The following MECOM variants were observed in gnomAD, a reference collection of about 807,000 sequenced individuals.
MECOM encodes the protein histone-lysine N-methyltransferase MECOM.
In MECOM, 13 loss-of-function variants were observed where a neutral mutation model predicts 116.3. The observed-to-expected ratio is 0.11, with a 90% CI of 0.07 to 0.18. MECOM has a LOEUF of 0.18. Among genes scored for constraint, MECOM ranks in the 10% least tolerant of loss-of-function variants. The pLI, the probability that MECOM is intolerant of heterozygous loss-of-function variation, is 1.00. For synonymous variants in MECOM, 528 were observed against 535.2 expected, an observed-to-expected ratio of 0.99 and a Z score of 0.19; for missense variants, 1,299 against 1,509.0, an observed-to-expected ratio of 0.86 and a Z score of 2.31.
At chr3:169,217,501 T>C (rs1206602876) in intron 2 of MECOM, among the ~76,000 whole-genome samples, 2 of 152,032 alleles carry the variant, frequency 1.3e-5, no homozygotes, top group African/African-American at 4.8e-5. Context: ...AATAAATAAA[T>C]AGGCCGAGCA....
chr3:169,088,391 A>G (rs1399265003), intron 16 of MECOM, among the ~76,000 whole-genome samples: 1 of 152,184 alleles, frequency 6.6e-6, no homozygotes, highest in Non-Finnish European at 1.5e-5. Context: ...AATGTTGTAG[A>G]GCCTAATAAA....
At chr3:169,242,530 G>C (rs1755005767) in intron 2 of MECOM, among the ~76,000 whole-genome samples, 1 of 152,094 alleles carries the variant, frequency 6.6e-6, no homozygotes. Context: ...TCCCCTTGGT[G>C]CTCCTGATGC....
At chr3:169,241,973 G>C (rs1487480427) in intron 2 of MECOM, among the ~76,000 whole-genome samples, 2 of 152,156 alleles carry the variant, frequency 1.3e-5, no homozygotes, top group African/African-American at 2.4e-5. Flanking sequence ...TTAGTGCTGA[G>C]AGTAGATAAA....
intron 1 of MECOM, among the ~76,000 whole-genome samples, chr3:169,581,215 C>T (rs1020222719): frequency 1.3e-5 from 2 of 152,104 alleles, no homozygotes; most frequent in African/African-American, 4.8e-5. Context: ...CCATATTGTC[C>T]AAATGAGTCC....
At chr3:169,360,290 T>TAAAAAAAAAAA (rs1203615730) in intron 2 of MECOM, among the ~76,000 whole-genome samples, 16 of 29,116 alleles carry the variant, frequency 5.5e-4, no homozygotes, top group South Asian at 1.7e-3. Flanking sequence ...TAAAGTATAA[T>TAAAAAAAAAAA]AAAAAAAAAA....
chr3:169,157,097 T>C (rs1297729177), intron 2 of MECOM, among the ~76,000 whole-genome samples: 3 of 152,192 alleles, frequency 2.0e-5, no homozygotes, highest in Admixed American at 6.5e-5. Context: ...CACACAGTCT[T>C]CTCTGCAAAG....
intron 1 of MECOM, among the ~76,000 whole-genome samples, chr3:169,448,638 AGAG>A (rs1469603658): frequency 6.6e-6 from 1 of 152,162 alleles, no homozygotes; most frequent in Non-Finnish European, 1.5e-5. Flanking sequence ...TGGCCTGGGA[AGAG>A]GAGTTTGCAT....
chr3:169,418,205 G>A (rs1196593604), intron 1 of MECOM, among the ~76,000 whole-genome samples: 2 of 150,672 alleles, frequency 1.3e-5, no homozygotes, highest in South Asian at 2.1e-4. Context: ...CCAGGAAGAA[G>A]TCAAATCCCT....
intron 1 of MECOM, among the ~76,000 whole-genome samples, chr3:169,577,741 T>C (rs1184149373): frequency 6.6e-6 from 1 of 152,190 alleles, no homozygotes; most frequent in African/African-American, 2.4e-5. Context: ...ATTTGCATAT[T>C]TTCCATGTAT....
chr3:169,131,402 A>G (rs1159244318), intron 4 of MECOM, 27 bp downstream of exon 4: 1 of 1,561,428 alleles, frequency 6.4e-7, no homozygotes, highest in South Asian at 1.1e-5. Context: ...ATAAGGTGAT[A>G]AGGAGGGTGG....
At chr3:169,209,424 C>G (rs1475680741) in intron 2 of MECOM, among the ~76,000 whole-genome samples, 2 of 152,128 alleles carry the variant, frequency 1.3e-5, no homozygotes, top group African/African-American at 4.8e-5. Context: ...AGGCAACCTA[C>G]AGAATGGGAG....
chr3:169,149,967 GTGTGTGTGTGTCTGTC>G (rs1426177080), intron 2 of MECOM, among the ~76,000 whole-genome samples: 10 of 149,324 alleles, frequency 6.7e-5, no homozygotes, highest in African/African-American at 1.8e-4. Context: ...GTGTGTGTGT[GTGTGTGTGTGTCTGTC>G]TGTCTGTCTG....
At chr3:169,418,953 A>T (rs1015991072) in intron 1 of MECOM, among the ~76,000 whole-genome samples, 2 of 152,152 alleles carry the variant, frequency 1.3e-5, no homozygotes, top group African/African-American at 4.8e-5. Context: ...GAGGAAGTCA[A>T]ATGGTCTGTT....
At chr3:169,391,295 A>G (rs1178505360) in intron 1 of MECOM, among the ~76,000 whole-genome samples, 1 of 152,220 alleles carries the variant, frequency 6.6e-6, no homozygotes, top group Admixed American at 6.5e-5. Flanking sequence ...AGGTTTGGTA[A>G]CTAAAAGACA....
chr3:169,378,511 AAGAAAAGAAAGAAAGAAAG>A (rs1560197950), intron 2 of MECOM, among the ~76,000 whole-genome samples: 1 of 31,046 alleles, frequency 3.2e-5, no homozygotes, highest in African/African-American at 2.1e-4. Flanking sequence ...GAAAGAAAGA[AAGAAAAGAAAGAAAGAAAG>A]AAAGAAAGAA....
intron 2 of MECOM, among the ~76,000 whole-genome samples, chr3:169,174,264 A>T (rs1365359900): frequency 6.6e-6 from 1 of 152,134 alleles, no homozygotes; most frequent in Non-Finnish European, 1.5e-5. Context: ...TGTCTTAGGG[A>T]CCTTTGTCTC....
At chr3:169,550,712 A>AC (rs1483569582) in intron 1 of MECOM, among the ~76,000 whole-genome samples, 1 of 152,006 alleles carries the variant, frequency 6.6e-6, no homozygotes, top group Non-Finnish European at 1.5e-5. Context: ...GATTACCTAG[A>AC]CCCCAAACCA....
chr3:169,458,521 G>A (rs1032612163), intron 1 of MECOM, among the ~76,000 whole-genome samples: 6 of 152,174 alleles, frequency 3.9e-5, no homozygotes, highest in South Asian at 2.1e-4. Flanking sequence ...AGTTGATGCC[G>A]TTATCTGCAA....
chr3:169,393,140 A>C (rs1282979442), intron 1 of MECOM, among the ~76,000 whole-genome samples: 1 of 152,146 alleles, frequency 6.6e-6, no homozygotes, highest in Non-Finnish European at 1.5e-5. Context: ...AACTCCCACC[A>C]GCCTACAAAT....
Sources: gnomAD v4.1 joint callset for allele counts (sites outside exome capture counted in the v4.1 genomes callset) on GRCh38, gnomAD v4.1.1 for gene constraint, MANE v1.5 for transcripts, NCBI Gene and HGNC (gene_info 2026-07-23, HGNC 2026-07-21) for gene names.